Variants in TMC1 observed in about 807,000 individuals in gnomAD.
TMC1 encodes the protein transmembrane channel like 1.
Under a neutral mutation model 105.8 loss-of-function variants are expected in TMC1, and 84 were observed. That is an observed-to-expected ratio of 0.79 (90% CI 0.67 to 0.95). The LOEUF is 0.95. Among genes scored for constraint, TMC1 ranks in the 40% least tolerant of loss-of-function variants. The pLI is 0.00. For synonymous variants in TMC1, 315 were observed against 311.5 expected (o/e 1.01, Z -0.12); for missense variants, 817 against 914.1 (o/e 0.89, Z 1.37).
intron 8 of TMC1, among the ~76,000 whole-genome samples, chr9:72,735,744 A>G (rs1335635782): frequency 2.0e-5 from 3 of 152,160 alleles, no homozygotes; most frequent in African/African-American, 7.2e-5. Flanking sequence ...TTGCAGCCCA[A>G]TGTCCCTTCT....
intron 5 of TMC1, among the ~76,000 whole-genome samples, chr9:72,674,549 A>T (rs1262951285): frequency 6.6e-6 from 1 of 152,202 alleles, no homozygotes; most frequent in African/African-American, 2.4e-5. Flanking sequence ...GTTGCCAACC[A>T]CTAGCAGCTT....
At chr9:72,804,524 A>T (rs138766690) in intron 17 of TMC1, among the ~76,000 whole-genome samples, 111 of 152,312 alleles carry the variant, frequency 7.3e-4, no homozygotes, top group African/African-American at 2.5e-3. Flanking sequence ...AATTTGTTTT[A>T]TTTAATTAGT....
intron 10 of TMC1, among the ~76,000 whole-genome samples, chr9:72,744,020 T>C (rs1024874626): frequency 1.1e-4 from 16 of 152,176 alleles, no homozygotes; most frequent in Admixed American, 3.9e-4. Context: ...GGAGGCTCCA[T>C]AGGGAGATAA....
chr9:72,601,169 T>TACACACAC (rs753598002), intron 2 of TMC1, among the ~76,000 whole-genome samples: 3 of 148,388 alleles, frequency 2.0e-5, no homozygotes, highest in East Asian at 2.0e-4. Context: ...ACACTGTTTC[T>TACACACAC]ACACACACAC....
At chr9:72,598,368 A>G (rs1824753657) in intron 2 of TMC1, among the ~76,000 whole-genome samples, 1 of 152,108 alleles carries the variant, frequency 6.6e-6, no homozygotes, top group East Asian at 1.9e-4. Flanking sequence ...CAGGAACGTG[A>G]ATGATATCCT....
intron 1 of TMC1, among the ~76,000 whole-genome samples, chr9:72,550,657 CAAAAAAAAAA>C (rs71493659): frequency 1.6e-5 from 1 of 61,824 alleles, no homozygotes; most frequent in African/African-American, 6.3e-5. Flanking sequence ...GACTCCATCT[CAAAAAAAAAA>C]AAAAAAAAAA....
chr9:72,685,618 C>T (rs1445978781), intron 5 of TMC1, among the ~76,000 whole-genome samples: 1 of 152,068 alleles, frequency 6.6e-6, no homozygotes, highest in African/African-American at 2.4e-5. Flanking sequence ...TCCACCTCAG[C>T]CTCCCAAAGT....
chr9:72,797,371 T>C (rs1828388596), intron 17 of TMC1, among the ~76,000 whole-genome samples: 1 of 152,144 alleles, frequency 6.6e-6, no homozygotes, highest in East Asian at 1.9e-4. Flanking sequence ...AAAACTATTT[T>C]AAAATTCCTA....
intron 3 of TMC1, among the ~76,000 whole-genome samples, chr9:72,625,710 A>G (rs1240695487): frequency 1.3e-5 from 2 of 151,964 alleles, no homozygotes; most frequent in East Asian, 3.9e-4. Context: ...AAGAAAAAAA[A>G]AAAGGAATCA....
At chr9:72,602,556 G>A (rs1824835975) in intron 2 of TMC1, among the ~76,000 whole-genome samples, 4 of 151,900 alleles carry the variant, frequency 2.6e-5, no homozygotes, top group Admixed American at 1.3e-4. Context: ...TGTATTTTTA[G>A]TAGAGATGGG....
At chr9:72,834,029 T>G (rs1340334477) in intron 23 of TMC1, among the ~76,000 whole-genome samples, 1 of 146,124 alleles carries the variant, frequency 6.8e-6, no homozygotes, top group Non-Finnish European at 1.5e-5. Context: ...CATTTTCTGT[T>G]TTTTTTTTTT....
chr9:72,698,730 G>A (rs1016719936), intron 7 of TMC1, among the ~76,000 whole-genome samples: 19 of 152,300 alleles, frequency 1.2e-4, no homozygotes, highest in South Asian at 4.1e-4. Context: ...ACACTGTAGC[G>A]TAGAGGAAAG....
rs1156615817 is a variant in TMC1 at position 72,836,421 on chromosome 9, A to AGTACTCATT, written c.*452_*460dup. 1 of 177,524 alleles carries AGTACTCATT rather than the reference A, an allele frequency of 5.6e-6. No individual in the cohort carries two copies. The highest frequency in any genetic ancestry group is 1.2e-5 in the Non-Finnish European group (1 of 82,840). The allele number at this position is 177,524 out of a possible 1,614,324, so 11.0% of individuals were successfully genotyped here. A position where few individuals can be genotyped will look rare whatever the true frequency, so the allele number is the denominator to read the frequency against. On this transcript the variant is annotated 3_prime_UTR_variant, in exon 24 of 24. Coordinates refer to ENST00000297784, the MANE Select transcript of TMC1 (RefSeq NM_138691.3). ...TCTAAGTTCAGAAATATTTGCAAAA[A>AGTACTCATT]GTACTCATTGTAATCATTCATTAAC...
intron 1 of TMC1, among the ~76,000 whole-genome samples, chr9:72,537,063 A>G (rs1480382619): frequency 1.3e-5 from 2 of 152,186 alleles, no homozygotes. Flanking sequence ...AAGGCTTACC[A>G]CTTACACCCA....
chr9:72,759,448 C>G (rs1237510199), intron 12 of TMC1, among the ~76,000 whole-genome samples: 1 of 152,188 alleles, frequency 6.6e-6, no homozygotes, highest in Non-Finnish European at 1.5e-5. Context: ...GCACATTATT[C>G]TATTTATATT....
At chr9:72,691,857 A>G (rs1048296460) in intron 6 of TMC1, among the ~76,000 whole-genome samples, 1 of 152,152 alleles carries the variant, frequency 6.6e-6, no homozygotes, top group Non-Finnish European at 1.5e-5. Flanking sequence ...CAACTGTGTC[A>G]TGCTGAACTG....
At chr9:72,642,761 A>T (rs1006231540) in intron 4 of TMC1, among the ~76,000 whole-genome samples, 1 of 152,248 alleles carries the variant, frequency 6.6e-6, no homozygotes, top group Non-Finnish European at 1.5e-5. Context: ...TTGTTCAGAT[A>T]TAATTCAGAT....
chr9:72,550,897 T>A (rs899044595), intron 1 of TMC1, among the ~76,000 whole-genome samples: 1 of 152,158 alleles, frequency 6.6e-6, no homozygotes, highest in Non-Finnish European at 1.5e-5. Context: ...TCCTGGATTA[T>A]CTGTGTGGGT....
chr9:72,528,553 C>T (rs752996675), intron 1 of TMC1, among the ~76,000 whole-genome samples: 3 of 151,984 alleles, frequency 2.0e-5, no homozygotes, highest in East Asian at 1.9e-4. Flanking sequence ...AGGCTGGTCT[C>T]GAACTCCTGA....
Sources: gnomAD v4.1 joint callset for allele counts (sites outside exome capture counted in the v4.1 genomes callset) on GRCh38, gnomAD v4.1.1 for gene constraint, MANE v1.5 for transcripts, NCBI Gene and HGNC (gene_info 2026-07-23, HGNC 2026-07-21) for gene names.